Variants in SASH3 observed in about 807,000 individuals in gnomAD.
SASH3 encodes the protein SAM and SH3 domain containing 3, also known as SAM and SH3 domain-containing protein 3.
SASH3 carries 7 observed loss-of-function variants against 26.1 expected under a neutral mutation model. That is an observed-to-expected ratio of 0.27 (90% CI 0.15 to 0.50). The LOEUF is 0.50. Among genes scored for constraint, SASH3 ranks in the 20% least tolerant of loss-of-function variants. SASH3 has a pLI of 0.98. For synonymous variants in SASH3, 138 were observed against 136.8 expected, an observed-to-expected ratio of 1.01 and a Z score of -0.06; for missense variants, 231 against 318.3, an observed-to-expected ratio of 0.73 and a Z score of 2.09.
chrX:129,792,030 C>T lies in SASH3; in HGVS notation c.443-298C>T, dbSNP rs780485802. ...CCGCATCTGTTCATTGGAGTGTTGG[C>T]CCAGTTGTTCTCTAGAGGCCCTCCT... On this transcript the variant is annotated intron_variant, in intron 4 of 7. Transcript: ENST00000356892. Among the ~76,000 whole-genome samples, 5 of 111,758 alleles carry T rather than the reference C, an allele frequency of 4.5e-5. No homozygotes were observed. In the South Asian group the frequency reaches 1.9e-3, roughly 42 times the overall value.
chrX:129,782,281 G>T (rs1451966413), intron 1 of SASH3, among the ~76,000 whole-genome samples: 2 of 112,187 alleles, frequency 1.8e-5, no homozygotes, highest in Non-Finnish European at 3.8e-5. Context: ...TCACAAGTGT[G>T]CACGTGCATA....
Position 129,794,619 on chromosome X carries a change from A to C in SASH3, c.*787A>C, listed in dbSNP as rs775620972. ...ATGAAATGGCTCCTCCTACTCACCC[A>C]CTTTATTCCTCTCCATGTAATTCAG... On this transcript the variant is annotated 3_prime_UTR_variant, in exon 8 of 8. Transcript: ENST00000356892. The C allele has an allele frequency of 9.0e-6, 1 of 111,451 alleles. No homozygotes were observed. The highest frequency in any genetic ancestry group is 2.8e-4 in the East Asian group (1 of 3,543). The allele number at this position is 111,451 out of a possible 1,213,427, so 9.2% of individuals were successfully genotyped here.
intron 1 of SASH3, 143 bp from the exon 2 acceptor site, chrX:129,787,832 C>G: frequency 4.2e-6 from 2 of 479,175 alleles, no homozygotes; most frequent in Non-Finnish European, 3.7e-6. Context: ...CATCGAGGTG[C>G]GTCACCCATT....
Position 129,792,620 on chromosome X carries a change from C to G in SASH3, c.592-7C>G, listed in dbSNP as rs1225234628. 5.0e-6 allele frequency: 6 copies of G among 1,206,609 alleles called. 1 individual carries two copies. Among genetic ancestry groups the G allele is most frequent in the Middle Eastern group, 4.6e-4 (2 of 4,348 alleles). ...TTGCTCCCTTCTCCTCTCCTCTCCC[C>G]CAACAGAAAGGAGATGTGATCCAGA... On this transcript the variant is annotated splice_polypyrimidine_tract_variant and splice_region_variant and intron_variant, in intron 5 of 7. Coordinates refer to ENST00000356892, the MANE Select transcript of SASH3 (RefSeq NM_018990.4).
rs912029019 is a variant in SASH3, at chrX:129,795,084, A to G, written c.*1252A>G. 1 of 111,406 alleles carries G rather than the reference A, an allele frequency of 9.0e-6. No individual in the cohort carries two copies. The highest frequency in any genetic ancestry group is 9.6e-5 in the Admixed American group (1 of 10,431). The allele number at this position is 111,406 out of a possible 1,213,427, so 9.2% of individuals were successfully genotyped here. On this transcript the variant is annotated 3_prime_UTR_variant, in exon 8 of 8. Coordinates refer to ENST00000356892, the MANE Select transcript of SASH3 (RefSeq NM_018990.4). ...CTAGGACTGCCGGCTAAGTGGACAC[A>G]CTTCTTGACCTCCTACCAGGAACTT...
intron 2 of SASH3, 155 bp downstream of exon 2, chrX:129,788,225 C>A: frequency 3.8e-6 from 2 of 529,348 alleles, no homozygotes; most frequent in Non-Finnish European, 6.2e-6. Context: ...CACTCCCCTG[C>A]ATTCCTTTCA....
At chrX:129,789,114 A>AAAGGAAGAAAGAAAGAAAGAAAG (rs1927169118) in intron 3 of SASH3, among the ~76,000 whole-genome samples, 1 of 46,270 alleles carries the variant, frequency 2.2e-5, no homozygotes, top group Non-Finnish European at 3.3e-5. Context: ...AAAAAAAAAG[A>AAAGGAAGAAAGAAAGAAAGAAAG]AAGAAAGAAA....
chrX:129,780,344 G>A (rs1926993225), intron 1 of SASH3, among the ~76,000 whole-genome samples, 190 bp downstream of exon 1: 1 of 110,880 alleles, frequency 9.0e-6, no homozygotes, highest in Admixed American at 9.6e-5. Context: ...TTAAAATTCT[G>A]GAGCAACAGA....
In SASH3 at chrX:129,792,619, C is replaced by T. The variant is rs370637706; in HGVS notation, c.592-8C>T. On this transcript the variant is annotated splice_polypyrimidine_tract_variant and splice_region_variant and intron_variant, in intron 5 of 7. Transcript: ENST00000356892. ...CTTGCTCCCTTCTCCTCTCCTCTCC[C>T]CCAACAGAAAGGAGATGTGATCCAG... 8.3e-6 allele frequency: 10 copies of T among 1,206,083 alleles called. No individual in the cohort carries two copies. In the African/African-American group the frequency reaches 1.2e-4, roughly 15 times the overall value.
chrX:129,784,101 T>A (rs1602925775), intron 1 of SASH3, among the ~76,000 whole-genome samples: 1 of 109,736 alleles, frequency 9.1e-6, no homozygotes, highest in Non-Finnish European at 1.9e-5. Context: ...CACCCCCCCC[T>A]TCCCCCAGGG....
intron 4 of SASH3, among the ~76,000 whole-genome samples, chrX:129,792,104 C>T (rs1338729197): frequency 3.6e-5 from 4 of 112,114 alleles, no homozygotes; most frequent in Non-Finnish European, 7.5e-5. Flanking sequence ...CCATTGCCAA[C>T]TCTTTTCATG....
At chrX:129,780,935 A>G (rs1927005153) in intron 1 of SASH3, among the ~76,000 whole-genome samples, 1 of 112,493 alleles carries the variant, frequency 8.9e-6, no homozygotes, top group Non-Finnish European at 1.9e-5. Flanking sequence ...CCTGGGGCAG[A>G]GACCGGACTG....
At chrX:129,793,463 G>A (rs1455859125) in intron 7 of SASH3, among the ~76,000 whole-genome samples, 179 bp from the exon 8 acceptor site, 2 of 112,540 alleles carry the variant, frequency 1.8e-5, no homozygotes, top group Non-Finnish European at 3.8e-5. Context: ...CTAAAGAAGT[G>A]TGAGCTCCTG....
intron 7 of SASH3, 48 bp downstream of exon 7, chrX:129,793,187 T>C: frequency 8.4e-7 from 1 of 1,197,600 alleles, no homozygotes; most frequent in African/African-American, 1.7e-5. Context: ...CCCACCGGCA[T>C]TCCAGGGAGG....
intron 1 of SASH3, among the ~76,000 whole-genome samples, chrX:129,783,698 T>A (rs1013617589): frequency 9.0e-6 from 1 of 111,327 alleles, no homozygotes; most frequent in African/African-American, 3.3e-5. Context: ...AGACCCTCAT[T>A]GCTGGATTCT....
At chrX:129,787,704 G>A (rs758169914) in intron 1 of SASH3, among the ~76,000 whole-genome samples, 1 of 112,245 alleles carries the variant, frequency 8.9e-6, no homozygotes, top group East Asian at 2.8e-4. Flanking sequence ...TTGAGGAACT[G>A]GTGGAATTTC....
intron 1 of SASH3, among the ~76,000 whole-genome samples, chrX:129,783,218 C>G (rs1198688690): frequency 9.0e-6 from 1 of 111,431 alleles, no homozygotes; most frequent in Non-Finnish European, 1.9e-5. Context: ...ATCAGGCTCT[C>G]AACGTCTCTA....
At chrX:129,781,971 G>T (rs1927025114) in intron 1 of SASH3, among the ~76,000 whole-genome samples, 1 of 112,671 alleles carries the variant, frequency 8.9e-6, no homozygotes, top group African/African-American at 3.2e-5. Flanking sequence ...CTGAATCACT[G>T]CTAGTCCCTT....
chrX:129,792,892 G>A (rs1927258011), intron 6 of SASH3, 56 bp downstream of exon 6: 1 of 1,181,895 alleles, frequency 8.5e-7, no homozygotes, highest in Admixed American at 2.3e-5. Flanking sequence ...CTGCCCCAGG[G>A]ATGGGGACCA....
Sources: gnomAD v4.1 joint callset for allele counts (sites outside exome capture counted in the v4.1 genomes callset) on GRCh38, gnomAD v4.1.1 for gene constraint, MANE v1.5 for transcripts, NCBI Gene and HGNC (gene_info 2026-07-23, HGNC 2026-07-21) for gene names.